Variants in LMNTD1 observed in about 807,000 individuals in gnomAD.
LMNTD1 encodes the protein lamin tail domain containing 1.
LMNTD1 carries 35 observed loss-of-function variants against 50.9 expected under a neutral mutation model. That is an observed-to-expected ratio of 0.69 (90% confidence interval 0.53 to 0.91). The LOEUF (loss-of-function observed/expected upper bound fraction) is 0.91. Ranked by LOEUF, LMNTD1 falls within the 40% of genes least tolerant of loss-of-function variation. The pLI is 0.00. For missense variants in LMNTD1, 470 were observed against 475.5 expected (o/e 0.99, Z 0.11); for synonymous variants, 153 against 161.9 (o/e 0.94, Z 0.42).
At chr12:25,522,853 G>A (rs754594335) in intron 6 of LMNTD1, among the ~76,000 whole-genome samples, 1 of 152,136 alleles carries the variant, frequency 6.6e-6, no homozygotes, top group Non-Finnish European at 1.5e-5. Context: ...AGATGGGAAA[G>A]TAGAATAACA....
At chr12:25,614,926 T>A (rs888943699) in intron 1 of LMNTD1, among the ~76,000 whole-genome samples, 9 of 152,212 alleles carry the variant, frequency 5.9e-5, no homozygotes, top group Non-Finnish European at 1.3e-4. Flanking sequence ...TCTGTTGATG[T>A]CTGGGTTCTA....
At chr12:25,620,962 C>A (rs1946462376) in intron 1 of LMNTD1, among the ~76,000 whole-genome samples, 1 of 152,184 alleles carries the variant, frequency 6.6e-6, no homozygotes. Context: ...GCTTCAGTAA[C>A]TTGTTGAACA....
At chr12:25,615,928 T>A (rs1296728648) in intron 1 of LMNTD1, among the ~76,000 whole-genome samples, 1 of 152,172 alleles carries the variant, frequency 6.6e-6, no homozygotes, top group African/African-American at 2.4e-5. Context: ...ATGTGGAAGA[T>A]CATTATTCAC....
intron 1 of LMNTD1, among the ~76,000 whole-genome samples, chr12:25,638,967 A>G (rs564144404): frequency 3.7e-4 from 56 of 152,304 alleles, no homozygotes; most frequent in African/African-American, 1.3e-3. Flanking sequence ...AGTGGGTTAT[A>G]CATATAGATC....
intron 4 of LMNTD1, among the ~76,000 whole-genome samples, chr12:25,536,506 A>G (rs1306529432): frequency 6.6e-6 from 1 of 152,250 alleles, no homozygotes; most frequent in African/African-American, 2.4e-5. Flanking sequence ...GATAAAAAAG[A>G]AAATGAAAAT....
Position 25,518,928 on chromosome 12 carries a change from G to A in LMNTD1, c.1056C>T (p.Ser352=), listed in dbSNP as rs1262441614. The A allele has an allele frequency of 1.9e-6, 3 of 1,614,132 alleles. No homozygotes were observed. In the South Asian group the frequency reaches 3.3e-5, roughly 18 times the overall value. The part of the protein sequence containing the change: ...EIPPTVFPNR[S]PWCQNPYVSA... The stretch of plus-strand genomic sequence containing the variant: ...AGACATAGGGATTCTGGCACCAAGG[G>A]CTGCGATTAGGGAAAACGGTTGGTG... Residue 352 remains serine, a synonymous_variant, in exon 8 of 10, where the codon AGC becomes AGT. Transcript: ENST00000458174.
chr12:25,576,324 T>C (rs1312964016), intron 1 of LMNTD1, among the ~76,000 whole-genome samples: 1 of 152,154 alleles, frequency 6.6e-6, no homozygotes, highest in South Asian at 2.1e-4. Context: ...AAAAGTGTTC[T>C]TATTTCTCCA....
chr12:25,529,864 C>CA (rs1256054000), intron 4 of LMNTD1, among the ~76,000 whole-genome samples: 1 of 152,086 alleles, frequency 6.6e-6, no homozygotes. Flanking sequence ...TCTTTAACCC[C>CA]TTTTTCCTTA....
chr12:25,638,283 A>G (rs1055333391), intron 1 of LMNTD1, among the ~76,000 whole-genome samples: 2 of 152,080 alleles, frequency 1.3e-5, no homozygotes, highest in East Asian at 3.8e-4. Flanking sequence ...AGAACAAGAC[A>G]AGGATGTCCA....
chr12:25,634,157 C>T (rs915887548), intron 1 of LMNTD1, among the ~76,000 whole-genome samples: 1 of 151,948 alleles, frequency 6.6e-6, no homozygotes, highest in Non-Finnish European at 1.5e-5. Context: ...CTGAACAGAC[C>T]AATAATAAGA....
chr12:25,582,108 G>C lies in LMNTD1; in HGVS notation c.59-35554C>G, dbSNP rs547461371. 2.6e-5 allele frequency among the ~76,000 whole-genome samples: 4 copies of C among 152,336 alleles called. No individual in the cohort carries two copies. In the South Asian group the frequency reaches 8.3e-4, roughly 32 times the overall value. ...TCTGAAATGTTTCTTCACTGAGGGA[G>C]AGGAAGATTATATGGTAGCTCCATA... On this transcript the variant is annotated intron_variant, in intron 1 of 7. Transcript: ENST00000445693.
rs1381868740 is a variant in LMNTD1, at chr12:25,512,447, C to T, written c.1189+6348G>A. Among the ~76,000 whole-genome samples the T allele has an allele frequency of 8.6e-5, 13 of 151,860 alleles. No homozygotes were observed. The South Asian group carries it at 1.0e-3, about 12-fold the overall frequency. On this transcript the variant is annotated intron_variant, in intron 8 of 9. Coordinates refer to ENST00000458174, the MANE Select transcript of LMNTD1 (RefSeq NM_001145728.2). ...TTTTAAAAAATAATTAATGCAAATA[C>T]GACAATGTATTAATATTTTTCATTT... is the stretch of plus-strand genomic sequence containing the variant.
chr12:25,609,234 C>T (rs558499635), intron 1 of LMNTD1, among the ~76,000 whole-genome samples: 1 of 152,068 alleles, frequency 6.6e-6, no homozygotes, highest in Non-Finnish European at 1.5e-5. Flanking sequence ...AATCTTTTTT[C>T]AAGGTTTTTA....
chr12:25,623,869 C>T (rs996401508), intron 1 of LMNTD1, among the ~76,000 whole-genome samples: 5 of 152,200 alleles, frequency 3.3e-5, no homozygotes, highest in African/African-American at 1.2e-4. Context: ...ATTCCAGGGT[C>T]TAGCCAGCTT....
At position 25,546,488 on chromosome 12, in the gene LMNTD1, T is replaced by A; in HGVS notation, c.377A>T (p.Tyr126Phe). 1 of 1,597,852 alleles carries A rather than the reference T, an allele frequency of 6.3e-7. No individual in the cohort carries two copies. The highest frequency in any genetic ancestry group is 1.1e-5 in the South Asian group (1 of 88,890). The stretch of plus-strand genomic sequence containing the variant: ...TGAATCACCAAACAAAGAAAGGAAA[T>A]AATCTTCTCCATCCCCAATCATGGG... The part of the protein sequence containing the change: ...ESPMIGDGED[Y>F]FLSLFGDSKK... Residue 126 changes from tyrosine (Y) to phenylalanine (F), a missense_variant, in exon 4 of 10, where the codon TAT becomes TTT. Tyr to Phe is a conservative substitution (Grantham distance 22). Transcript: ENST00000458174.
At chr12:25,552,642 G>C (rs1943835601) in intron 2 of LMNTD1, among the ~76,000 whole-genome samples, 1 of 145,356 alleles carries the variant, frequency 6.9e-6, no homozygotes. Flanking sequence ...TTATACTATG[G>C]AGATCTGTCC....
At chr12:25,622,486 T>C (rs901871451) in intron 1 of LMNTD1, among the ~76,000 whole-genome samples, 1 of 113,524 alleles carries the variant, frequency 8.8e-6, no homozygotes, top group South Asian at 3.0e-4. Flanking sequence ...CGCAAAATAA[T>C]ATCAACATCA....
At chr12:25,490,198 C>T (rs955393711) in intron 9 of LMNTD1, among the ~76,000 whole-genome samples, 2 of 152,144 alleles carry the variant, frequency 1.3e-5, no homozygotes, top group East Asian at 3.8e-4. Flanking sequence ...GCAAACAAAC[C>T]TACAGCTAGC....
chr12:25,507,504 A>G (rs1209167820), intron 8 of LMNTD1, among the ~76,000 whole-genome samples: 1 of 152,242 alleles, frequency 6.6e-6, no homozygotes, highest in Non-Finnish European at 1.5e-5. Context: ...TCTCTCATTT[A>G]ACAGTCTGGA....
Sources: gnomAD v4.1 joint callset for allele counts (sites outside exome capture counted in the v4.1 genomes callset) on GRCh38, gnomAD v4.1.1 for gene constraint, MANE v1.5 for transcripts, NCBI Gene and HGNC (gene_info 2026-07-23, HGNC 2026-07-21) for gene names.